The following CCL1 variants were observed in gnomAD, a reference collection of about 807,000 sequenced individuals.
The protein encoded by CCL1 is C-C motif chemokine ligand 1.
CCL1 carries 9 observed loss-of-function variants against 7.5 expected under a neutral mutation model. That is an observed-to-expected ratio of 1.20 (90% confidence interval 0.72 to 2.09). The LOEUF is 2.09. Ranked by LOEUF, CCL1 falls within the 30% of genes most tolerant of loss-of-function variation. CCL1 has a pLI of 0.00. For synonymous variants in CCL1, 48 were observed against 44.7 expected (o/e 1.07, Z -0.30); for missense variants, 110 against 113.7 (o/e 0.97, Z 0.15).
chr17:34,361,759 G>A (rs762703307), intron 2 of CCL1, 26 bp downstream of exon 2: 2 of 1,417,170 alleles, frequency 1.4e-6, no homozygotes, highest in South Asian at 2.3e-5. Context: ...GTTCTCTAGG[G>A]AGAGATTGAG....
At position 34,361,957 on chromosome 17, in the gene CCL1, A is replaced by G; in HGVS notation, c.77-61T>C. On this transcript the variant is annotated intron_variant, in intron 1 of 2. Coordinates refer to ENST00000225842, the MANE Select transcript of CCL1 (RefSeq NM_002981.2). ...TTCTCAACCTCTCACCTGTAGCACA[A>G]TTTTTAAAAAACAAACAAAAAAACG... 3.7e-6 allele frequency: 4 copies of G among 1,079,810 alleles called. No individual in the cohort carries two copies. In the South Asian group the frequency reaches 5.3e-5, roughly 14 times the overall value. The allele number at this position is 1,079,810 out of a possible 1,614,324, so 66.9% of individuals were successfully genotyped here. A position where few individuals can be genotyped will look rare whatever the true frequency, so the allele number is the denominator to read the frequency against.
rs765973747 is a variant in CCL1 at position 34,361,896 on chromosome 17, A to C, written c.77T>G (p.Met26Arg). 6.3e-7 allele frequency: 1 copy of C among 1,590,408 alleles called. No homozygotes were observed. Among genetic ancestry groups the C allele is most frequent in the Non-Finnish European group, 8.6e-7 (1 of 1,158,848 alleles). ...MWPEDVDSKS[M>R]QVPFSRCCFS... ...GCAACATCTGGAGAAGGGTACCTGC[A>C]CTAGAAGAGGAACACAGACGATGGT... Residue 26 changes from methionine (M) to arginine (R), a missense_variant and splice_region_variant, in exon 2 of 3, where the codon ATG becomes AGG. By Grantham distance (91) the Met-to-Arg change is moderately conservative. Coordinates refer to ENST00000225842, the MANE Select transcript of CCL1 (RefSeq NM_002981.2).
rs150442816 is a variant in CCL1 at position 34,360,944 on chromosome 17, G to A, written c.189-283C>T. Among the ~76,000 whole-genome samples, 610 of 152,250 alleles carry A rather than the reference G, an allele frequency of 4.0e-3. 2 individuals are homozygous for A. The highest frequency in any genetic ancestry group is 5.8e-3 in the Non-Finnish European group (396 of 68,032). The stretch of plus-strand genomic sequence containing the variant: ...CAGCCTGAAAACATTCTGACGATTA[G>A]GTGAGATGAGAAATTCCCATCCTGG... On this transcript the variant is annotated intron_variant, in intron 2 of 2. Coordinates refer to ENST00000225842, the MANE Select transcript of CCL1 (RefSeq NM_002981.2).
At chr17:34,361,962 T>TAAAAAAAA in intron 1 of CCL1, 66 bp from the exon 2 acceptor site, 1 of 1,033,028 alleles carries the variant, frequency 9.7e-7, no homozygotes, top group Non-Finnish European at 1.5e-6. Context: ...GCACAATTTT[T>TAAAAAAAA]AAAAAACAAA....
intron 1 of CCL1, among the ~76,000 whole-genome samples, chr17:34,362,473 C>T (rs1910531084): frequency 6.6e-6 from 1 of 152,038 alleles, no homozygotes; most frequent in African/African-American, 2.4e-5. Flanking sequence ...AGCTCTTTCC[C>T]AGCCCCCAAC....
chr17:34,360,693 C>T (rs751534895), intron 2 of CCL1, 32 bp from the exon 3 acceptor site: 14 of 1,541,246 alleles, frequency 9.1e-6, no homozygotes, highest in Non-Finnish European at 1.3e-5. Flanking sequence ...GAAGGCTGAG[C>T]CACCCAAGCC....
At chr17:34,361,245 C>T (rs1275701546) in intron 2 of CCL1, among the ~76,000 whole-genome samples, 7 of 151,992 alleles carry the variant, frequency 4.6e-5, no homozygotes, top group Non-Finnish European at 8.8e-5. Context: ...CCAAGAGGAT[C>T]GACAGAGAGA....
rs1415359314 is a variant in CCL1 at position 34,360,364 on chromosome 17, C to T, written c.*195G>A. The stretch of plus-strand genomic sequence containing the variant: ...GCCAATCAAGTTTTCACTCTGAAAT[C>T]CAAGAGACCCAGAGGGTTGGGGGTT... On this transcript the variant is annotated 3_prime_UTR_variant, in exon 3 of 3. Transcript: ENST00000225842. The T allele has an allele frequency of 3.8e-6, 2 of 531,734 alleles. No individual in the cohort carries two copies. The highest frequency in any genetic ancestry group is 6.8e-6 in the Non-Finnish European group (2 of 293,980). 32.9% of individuals were successfully genotyped at this position (531,734 alleles called of 1,614,324 possible). A position where few individuals can be genotyped will look rare whatever the true frequency, so the allele number is the denominator to read the frequency against.
rs762344307 is a variant in CCL1, at chr17:34,363,108, C to T, written c.54G>A (p.Pro18=). The T allele has an allele frequency of 1.5e-5, 25 of 1,613,174 alleles. No homozygotes were observed. Among genetic ancestry groups the T allele is most frequent in the African/African-American group, 2.7e-5 (2 of 74,932 alleles). ...LVCLLLAGMW[P]EDVDSKSMQV... ...CACTGCTCTTGCTGTCCACATCTTC[C>T]GGCCACATCCCAGCTAGCAGCAAGC... Residue 18 remains proline, a synonymous_variant, in exon 1 of 3, where the codon CCG becomes CCA. Transcript: ENST00000225842.
At chr17:34,361,114 T>G (rs1910495606) in intron 2 of CCL1, among the ~76,000 whole-genome samples, 1 of 152,086 alleles carries the variant, frequency 6.6e-6, no homozygotes, top group South Asian at 2.1e-4. Flanking sequence ...ATCTGTCTAC[T>G]TCCTAAACTG....
chr17:34,360,436 C>T lies in CCL1; in HGVS notation c.*123G>A. The stretch of plus-strand genomic sequence containing the variant: ...TTTAAAGTGCAACAACATAGCTTAT[C>T]AAGACCAAGCAGATCCTCTGTGACC... On this transcript the variant is annotated 3_prime_UTR_variant, in exon 3 of 3. Coordinates refer to ENST00000225842, the MANE Select transcript of CCL1 (RefSeq NM_002981.2). The T allele has an allele frequency of 5.3e-6, 4 of 756,018 alleles. No homozygotes were observed. In the South Asian group the frequency reaches 6.1e-5, roughly 11 times the overall value. The allele number at this position is 756,018 out of a possible 1,614,324, so 46.8% of individuals were successfully genotyped here.
rs368556600 is a variant in CCL1 at position 34,360,595 on chromosome 17, T to C, written c.255A>G (p.Arg85=). ...TTGACGGGCAGTGCCTCAGCATTTT[T>C]CTGTGCCTCTGAACCCATCCAACTG... ...LDTVGWVQRH[R]KMLRHCPSKR... Residue 85 remains arginine (R), a synonymous_variant, in exon 3 of 3, where the codon AGA becomes AGG. Transcript: ENST00000225842. 1 of 1,613,762 alleles carries C rather than the reference T, an allele frequency of 6.2e-7. No individual in the cohort carries two copies. Among genetic ancestry groups the C allele is most frequent in the African/African-American group, 1.3e-5 (1 of 74,898 alleles).
At position 34,361,866 on chromosome 17, in the gene CCL1, G is replaced by A. The variant is rs1192449589; in HGVS notation, c.107C>T (p.Ser36Leu). ...CAGGGGAATCTCTTGCTCCGCAAAT[G>A]AGAAGCAACATCTGGAGAAGGGTAC... ...MQVPFSRCCF[S>L]FAEQEIPLRA... The change falls in exon 2 of 3, where the codon TCA (serine) becomes TTA (leucine). Residue 36 changes from serine to leucine, a missense_variant. By Grantham distance (145) the Ser-to-Leu change is moderately radical. Coordinates refer to ENST00000225842, the MANE Select transcript of CCL1 (RefSeq NM_002981.2). The A allele has an allele frequency of 6.2e-7, 1 of 1,612,208 alleles. No homozygotes were observed. Among genetic ancestry groups the A allele is most frequent in the Non-Finnish European group, 8.5e-7 (1 of 1,178,586 alleles).
In CCL1 at chr17:34,360,609, C is replaced by T; in HGVS notation, c.241G>A (p.Val81Ile). 1 of 1,613,772 alleles carries T rather than the reference C, an allele frequency of 6.2e-7. No individual in the cohort carries two copies. The highest frequency in any genetic ancestry group is 1.1e-5 in the South Asian group (1 of 91,060). Reference sequence around the variant, plus strand: ...CTCAGCATTTTTCTGTGCCTCTGAACCCATCCAACTGTGTCCAAGGCGCAG... The same window carrying T: ...CTCAGCATTTTTCTGTGCCTCTGAATCCATCCAACTGTGTCCAAGGCGCAG... ...EACALDTVGW[V>I]QRHRKMLRHC... The change falls in exon 3 of 3, where the codon GTT becomes ATT. Residue 81 changes from valine to isoleucine, a missense_variant. Transcript: ENST00000225842.
At chr17:34,361,957 A>T in intron 1 of CCL1, 61 bp from the exon 2 acceptor site, 70 of 1,079,546 alleles carry the variant, frequency 6.5e-5, no homozygotes, top group East Asian at 1.0e-4. Flanking sequence ...CTGTAGCACA[A>T]TTTTTAAAAA....
At position 34,363,195 on chromosome 17, in the gene CCL1, G is replaced by A. The variant is rs1171263134; in HGVS notation, c.-34C>T. On this transcript the variant is annotated 5_prime_UTR_variant, in exon 1 of 3. Transcript: ENST00000225842. Reference sequence around the variant, plus strand: ...GTCTGGCTTGGGCCTTCCTGGAGCAGCTTTGATGAGCCTGGTGAAGCTAAG... The same window carrying A: ...GTCTGGCTTGGGCCTTCCTGGAGCAACTTTGATGAGCCTGGTGAAGCTAAG... 3 of 1,600,396 alleles carry A rather than the reference G, an allele frequency of 1.9e-6. No individual in the cohort carries two copies. In the Admixed American group the frequency reaches 5.0e-5, roughly 27 times the overall value.
At position 34,363,205 on chromosome 17, in the gene CCL1, G is replaced by C; in HGVS notation, c.-44C>G. 1 of 1,578,936 alleles carries C rather than the reference G, an allele frequency of 6.3e-7. No individual in the cohort carries two copies. Among genetic ancestry groups the C allele is most frequent in the Non-Finnish European group, 8.7e-7 (1 of 1,150,124 alleles). On this transcript the variant is annotated 5_prime_UTR_variant, in exon 1 of 3. Transcript: ENST00000225842. ...GGCCTTCCTGGAGCAGCTTTGATGA[G>C]CCTGGTGAAGCTAAGAGCTCACCAC...
At position 34,360,519 on chromosome 17, in the gene CCL1, GC is replaced by G; in HGVS notation, c.*39del. On this transcript the variant is annotated 3_prime_UTR_variant, in exon 3 of 3. Coordinates refer to ENST00000225842, the MANE Select transcript of CCL1 (RefSeq NM_002981.2). The stretch of plus-strand genomic sequence containing the variant: ...GCTGGTAGTTTCGGGGACAGGTGAA[GC>G]CATGTGGTTTCCAGAGCCCACAATG... 6.9e-7 allele frequency: 1 copy of G among 1,454,120 alleles called. No homozygotes were observed. Among genetic ancestry groups the G allele is most frequent in the Non-Finnish European group, 9.7e-7 (1 of 1,033,796 alleles). The allele number at this position is 1,454,120 out of a possible 1,614,324, so 90.1% of individuals were successfully genotyped here.
intron 1 of CCL1, 44 bp from the exon 2 acceptor site, chr17:34,361,940 C>T: frequency 7.6e-7 from 1 of 1,310,986 alleles, no homozygotes; most frequent in Non-Finnish European, 1.1e-6. Context: ...ATTTCTCAAC[C>T]TCTCACCTGT....
Sources: allele counts gnomAD v4.1 joint callset (sites outside exome capture counted in the v4.1 genomes callset), GRCh38; gene constraint gnomAD v4.1.1; transcripts MANE v1.5; gene names NCBI Gene and HGNC (gene_info 2026-07-23, HGNC 2026-07-21).